MUC6: variants seen among roughly 807,000 people sequenced by gnomAD.
MUC6 encodes mucin-6.
MUC6 carries 188 observed loss-of-function variants against 201.5 expected under a neutral mutation model. That is an observed-to-expected ratio of 0.93 (90% CI 0.83 to 1.05). MUC6 has a LOEUF of 1.05. MUC6 is among the 50% of genes least tolerant of loss of function. The pLI is 0.00. For synonymous variants in MUC6, 1,228 were observed against 1,389.4 expected, an observed-to-expected ratio of 0.88 and a Z score of 2.58; for missense variants, 2,706 against 3,256.9, an observed-to-expected ratio of 0.83 and a Z score of 4.12.
chr11:1,019,572 C>T, intron 29 of MUC6, 76 bp from the exon 30 acceptor site: 1 of 1,369,656 alleles, frequency 7.3e-7, no homozygotes. Flanking sequence ...AGCCCCCTGC[C>T]CTGCTTCTGG....
chr11:1,025,024 C>T lies in MUC6; in HGVS notation c.3045G>A (p.Thr1015=), dbSNP rs199808061. ...CGCTGGATGCCACGTACCTGCTGCG[C>T]GTCTCGAAGTCGTCCTTCATGTTCC... ...FNGNMKDDFE[T]RSRYVASSEL... Residue 1015 remains threonine (T), a synonymous_variant, in exon 24 of 33, where the codon ACG becomes ACA. Transcript: ENST00000421673. 37 of 1,613,040 alleles carry T rather than the reference C, an allele frequency of 2.3e-5. No homozygotes were observed. The Admixed American group carries it at 4.5e-4, about 20-fold the overall frequency.
At chr11:1,030,460 GT>G in intron 7 of MUC6, 112 bp downstream of exon 7, 1 of 1,424,284 alleles carries the variant, frequency 7.0e-7, no homozygotes, top group Non-Finnish European at 9.3e-7. Context: ...AGGATCTCCT[GT>G]CTCTCAGACC....
rs1308668137 is a variant in MUC6 at position 1,031,706 on chromosome 11, A to G, written c.384T>C (p.Asn128=). The G allele has an allele frequency of 2.6e-6, 4 of 1,550,830 alleles. No individual in the cohort carries two copies. The highest frequency in any genetic ancestry group is 3.5e-6 in the Non-Finnish European group (4 of 1,147,006). The change falls in exon 4 of 33, where the codon AAT becomes AAC. Residue 128 remains asparagine, a synonymous_variant. Coordinates refer to ENST00000421673, the MANE Select transcript of MUC6 (RefSeq NM_005961.3). ...IGVISLPYTS[N]GLQITPFGQS... ...GGCCGAAGGGTGTGATCTGGAGTCC[A>G]TTGCTGGTATAGGGCAGGCTGATGA...
In MUC6 at chr11:1,027,505, G is replaced by A. The variant is rs368886191; in HGVS notation, c.1994C>T (p.Thr665Met). ...GTTGTAGCTGAAGGTGGTGTTACCC[G>A]TGCAGGGGATGGCTGTGGGGGACCC... ...SSVDNCTIPCTGNTTFSYNSQ... is the reference protein window; with the variant it reads ...SSVDNCTIPCMGNTTFSYNSQ... Residue 665 changes from threonine to methionine, a missense_variant, in exon 17 of 33, where the codon ACG becomes ATG. Thr to Met is a moderately conservative substitution (Grantham distance 81). Coordinates refer to ENST00000421673, the MANE Select transcript of MUC6 (RefSeq NM_005961.3). The A allele has an allele frequency of 1.9e-5, 31 of 1,612,480 alleles. No homozygotes were observed. The highest frequency in any genetic ancestry group is 8.9e-5 in the East Asian group (4 of 44,876).
At chr11:1,026,689 G>A (rs965579090) in intron 19 of MUC6, among the ~76,000 whole-genome samples, 9 of 152,256 alleles carry the variant, frequency 5.9e-5, no homozygotes, top group African/African-American at 2.2e-4. Context: ...CACACGGCTG[G>A]GCTGCTGTAC....
rs1004893503 is a variant in MUC6, at chr11:1,025,293, C to T, written c.2874G>A (p.Thr958=). 2.4e-5 allele frequency: 38 copies of T among 1,612,600 alleles called. No homozygotes were observed. The highest frequency in any genetic ancestry group is 6.7e-5 in the East Asian group (3 of 44,896). The change falls in exon 23 of 33, where the codon ACG becomes ACA. Residue 958 remains threonine, a synonymous_variant. Coordinates refer to ENST00000421673, the MANE Select transcript of MUC6 (RefSeq NM_005961.3). Reference sequence around the variant, plus strand: ...CCACGACAAGGCTCAGCGCACCCGGCGTCACCCCGAGCTGCACGTGGGGCT... The same window carrying T: ...CCACGACAAGGCTCAGCGCACCCGGTGTCACCCCGAGCTGCACGTGGGGCT... ...GEEPHVQLGV[T]PGALSLVVDI... is the part of the protein sequence containing the mutation.
At chr11:1,020,577 A>T in intron 28 of MUC6, 107 bp downstream of exon 28, 1 of 1,486,742 alleles carries the variant, frequency 6.7e-7, no homozygotes, top group Non-Finnish European at 9.4e-7. Flanking sequence ...GGGCACAGGT[A>T]CTGCCTGCCC....
chr11:1,031,974 C>G lies in MUC6; in HGVS notation c.195G>C (p.Gly65=). Reference sequence around the variant, plus strand: ...TGGCCGCGAAGATGTAGTTGCACGTCCCCGAGAAGTCGTACACGTGGTGGT... The same window carrying G: ...TGGCCGCGAAGATGTAGTTGCACGTGCCCGAGAAGTCGTACACGTGGTGGT... ...TFDHHVYDFS[G]TCNYIFAATC... Residue 65 remains glycine, a synonymous_variant, in exon 3 of 33, where the codon GGG becomes GGC. Transcript: ENST00000421673. The G allele has an allele frequency of 6.2e-7, 1 of 1,613,646 alleles. No homozygotes were observed. Among genetic ancestry groups the G allele is most frequent in the Non-Finnish European group, 8.5e-7 (1 of 1,179,886 alleles).
intron 1 of MUC6, among the ~76,000 whole-genome samples, chr11:1,036,226 C>T (rs1857213654): frequency 6.6e-6 from 1 of 152,192 alleles, no homozygotes; most frequent in African/African-American, 2.4e-5. Flanking sequence ...AGAGACCTCT[C>T]AGGACTCAGG....
chr11:1,020,146 T>TG lies in MUC6; in HGVS notation c.3751dup (p.Gln1251ProfsTer23), dbSNP rs764316236. 3 of 1,612,726 alleles carry TG rather than the reference T, an allele frequency of 1.9e-6. No individual in the cohort carries two copies. Among genetic ancestry groups the TG allele is most frequent in the Non-Finnish European group, 2.5e-6 (3 of 1,179,740 alleles). On this transcript the variant is annotated frameshift_variant, in exon 29 of 33. Coordinates refer to ENST00000421673, the MANE Select transcript of MUC6 (RefSeq NM_005961.3). LOFTEE classifies it high-confidence loss of function. ...GAGCGTGGCTGGAAGGAGGGGTGTC[T>TG]GGGTGGGGCTGGCAGGGGTGTGATT...
At chr11:1,019,562 A>G in intron 29 of MUC6, 66 bp from the exon 30 acceptor site, 2 of 1,436,040 alleles carry the variant, frequency 1.4e-6, no homozygotes, top group Non-Finnish European at 2.0e-6. Flanking sequence ...CTTGTGTCCC[A>G]GCCCCCTGCC....
rs779406935 is a variant in MUC6, at chr11:1,016,262, T to TG, written c.6538dup (p.His2180ProfsTer30). ...CGTGGGATGAGTGGACAATGAGGAGTGTGACCCCGAGCTCAGGGTTGTGGA... is the reference window on the plus strand; with the variant it reads ...CGTGGGATGAGTGGACAATGAGGAGTGGTGACCCCGAGCTCAGGGTTGTGGA... On this transcript the variant is annotated frameshift_variant, in exon 31 of 33. Transcript: ENST00000421673. LOFTEE classifies it high-confidence loss of function. 6.8e-6 allele frequency: 11 copies of TG among 1,611,996 alleles called. No homozygotes were observed. The highest frequency in any genetic ancestry group is 8.5e-6 in the Non-Finnish European group (10 of 1,179,456).
Position 1,018,608 on chromosome 11 carries a change from G to C in MUC6, c.4193C>G (p.Thr1398Arg), listed in dbSNP as rs1284403725. Residue 1398 changes from threonine (T) to arginine (R), a missense_variant, in exon 31 of 33, where the codon ACA (threonine) becomes AGA (arginine). Thr to Arg is a moderately conservative substitution (Grantham distance 71). Around this residue, in one of 10 missense-constraint regions of MUC6, gnomAD observed 1,850 missense variants for 1,958.3 expected, o/e 0.94. Transcript: ENST00000421673. ...TTQTRTTTEY[T>R]TPQTPHTTHS... Reference sequence around the variant, plus strand: ...TGTGGTGTGTGGGGTTTGGGGCGTTGTGTATTCAGTAGTCGTTCTTGTTTG... The same window carrying C: ...TGTGGTGTGTGGGGTTTGGGGCGTTCTGTATTCAGTAGTCGTTCTTGTTTG... 2 of 1,613,302 alleles carry C rather than the reference G, an allele frequency of 1.2e-6. No homozygotes were observed. The highest frequency in any genetic ancestry group is 1.7e-6 in the Non-Finnish European group (2 of 1,179,644).
At chr11:1,030,365 G>C (rs1409701314) in intron 7 of MUC6, 30 bp from the exon 8 acceptor site, 10 of 1,538,662 alleles carry the variant, frequency 6.5e-6, no homozygotes, top group Non-Finnish European at 8.8e-6. Flanking sequence ...CGGTGAGAGG[G>C]TCCCACCCCC....
At chr11:1,020,023 ACC>A in intron 29 of MUC6, 65 bp downstream of exon 29, 1 of 1,555,748 alleles carries the variant, frequency 6.4e-7, no homozygotes. Context: ...CCCTAAGCCC[ACC>A]CCAGAGGTGT....
intron 26 of MUC6, among the ~76,000 whole-genome samples, chr11:1,021,890 C>A (rs1276493585): frequency 6.6e-6 from 1 of 152,058 alleles, no homozygotes; most frequent in African/African-American, 2.4e-5. Flanking sequence ...CAGACACCAC[C>A]CTCCTCCACC....
intron 31 of MUC6, among the ~76,000 whole-genome samples, chr11:1,015,392 G>A (rs914496476): frequency 6.6e-6 from 1 of 152,212 alleles, no homozygotes; most frequent in Non-Finnish European, 1.5e-5. Flanking sequence ...CTGGGGTTGG[G>A]CCAGCCCTGA....
chr11:1,013,598 C>T lies in MUC6; in HGVS notation c.7178G>A (p.Cys2393Tyr). The part of the protein sequence containing the change: ...NIITQQVDAR[C>Y]SCCRPLHSYE... ...GGAGTGGAGGGGGCGGCAGCAGCTGCAGCGGGCATCCACCTGCTGGGTGAT... is the reference window on the plus strand; with the variant it reads ...GGAGTGGAGGGGGCGGCAGCAGCTGTAGCGGGCATCCACCTGCTGGGTGAT... The change falls in exon 33 of 33, where the codon TGC becomes TAC. Residue 2393 changes from cysteine (C) to tyrosine (Y), a missense_variant. Coordinates refer to ENST00000421673, the MANE Select transcript of MUC6 (RefSeq NM_005961.3). 6.4e-7 allele frequency: 1 copy of T among 1,566,992 alleles called. No homozygotes were observed. Among genetic ancestry groups the T allele is most frequent in the Non-Finnish European group, 8.6e-7 (1 of 1,157,482 alleles).
intron 31 of MUC6, among the ~76,000 whole-genome samples, chr11:1,015,342 C>T (rs958522928): frequency 6.6e-6 from 1 of 152,220 alleles, no homozygotes. Flanking sequence ...ACTTTTGTGT[C>T]TCTCTCTGCA....
Sources: allele counts gnomAD v4.1 joint callset (sites outside exome capture counted in the v4.1 genomes callset), GRCh38; gene constraint gnomAD v4.1.1; regional missense constraint gnomAD v4.1.1; transcripts MANE v1.5; gene names NCBI Gene and HGNC (gene_info 2026-07-23, HGNC 2026-07-21).